Variants in ITPR1 observed in about 807,000 individuals in gnomAD.
ITPR1 encodes the protein inositol 1,4,5-trisphosphate-gated calcium channel ITPR1.
ITPR1 carries 96 observed loss-of-function variants against 318.4 expected under a neutral mutation model. That is an observed-to-expected ratio of 0.30 (90% CI 0.26 to 0.36). ITPR1 has a LOEUF of 0.36. ITPR1 is among the 10% of genes least tolerant of loss of function. The pLI is 1.00. For missense variants in ITPR1, 2,440 were observed against 3,460.2 expected, an observed-to-expected ratio of 0.71 and a Z score of 7.40; for synonymous variants, 1,312 against 1,289.9, an observed-to-expected ratio of 1.02 and a Z score of -0.37.
chr3:4,663,569 C>T (rs2093884119), intron 16 of ITPR1, among the ~76,000 whole-genome samples: 1 of 152,150 alleles, frequency 6.6e-6, no homozygotes, highest in African/African-American at 2.4e-5. Context: ...TCCTCTTGTC[C>T]TCACACACTT....
chr3:4,768,427 T>C (rs1332985347), intron 45 of ITPR1, 84 bp from the exon 46 acceptor site: 2 of 1,433,496 alleles, frequency 1.4e-6, no homozygotes, highest in Middle Eastern at 1.8e-4. Flanking sequence ...TAAAGGAATG[T>C]AGGTTTCTGA....
In ITPR1 at chr3:4,634,835, T is replaced by C. The variant is rs2093131536; in HGVS notation, c.280-4549T>C. On this transcript the variant is annotated intron_variant, in intron 5 of 61. Coordinates refer to ENST00000649015, the MANE Select transcript of ITPR1 (RefSeq NM_001378452.1). Reference sequence around the variant, plus strand: ...CTCACTGCAACCTCCACCTCCTGGGTTCAAGTGATTCTCCTGCCTCAGCTT... The same window carrying C: ...CTCACTGCAACCTCCACCTCCTGGGCTCAAGTGATTCTCCTGCCTCAGCTT... Among the ~76,000 whole-genome samples the C allele has an allele frequency of 2.0e-5, 3 of 152,120 alleles. No homozygotes were observed. The South Asian group carries it at 6.2e-4, about 31-fold the overall frequency.
intron 52 of ITPR1, among the ~76,000 whole-genome samples, chr3:4,788,717 G>A (rs574617845): frequency 2.0e-5 from 3 of 152,314 alleles, no homozygotes; most frequent in Admixed American, 6.5e-5. Flanking sequence ...TTCCCCAGGG[G>A]GCTTCTGTGT....
At chr3:4,681,737 T>G (rs963726438) in intron 26 of ITPR1, among the ~76,000 whole-genome samples, 7 of 151,348 alleles carry the variant, frequency 4.6e-5, no homozygotes, top group South Asian at 4.2e-4. Flanking sequence ...AGTGAGGAAA[T>G]GCAATCAAAA....
intron 4 of ITPR1, among the ~76,000 whole-genome samples, chr3:4,522,132 G>C (rs1343043484): frequency 1.3e-5 from 2 of 151,982 alleles, no homozygotes; most frequent in African/African-American, 4.8e-5. Context: ...TAGATGCTTG[G>C]GGCTCCATTG....
chr3:4,650,880 A>G (rs1368983726), intron 10 of ITPR1, among the ~76,000 whole-genome samples: 1 of 152,094 alleles, frequency 6.6e-6, no homozygotes, highest in East Asian at 1.9e-4. Context: ...TTTACTGAAC[A>G]TTGTAATACA....
At chr3:4,695,011 A>G (rs2094535812) in intron 33 of ITPR1, among the ~76,000 whole-genome samples, 1 of 152,240 alleles carries the variant, frequency 6.6e-6, no homozygotes, top group Non-Finnish European at 1.5e-5. Context: ...TAGGTATACT[A>G]TTCTGTACCT....
At chr3:4,744,786 G>A (rs2043957140) in intron 44 of ITPR1, among the ~76,000 whole-genome samples, 1 of 152,188 alleles carries the variant, frequency 6.6e-6, no homozygotes, top group African/African-American at 2.4e-5. Context: ...CACCAGATGA[G>A]CAATATCCTA....
At chr3:4,785,220 G>A (rs1000081029) in intron 51 of ITPR1, among the ~76,000 whole-genome samples, 4 of 152,196 alleles carry the variant, frequency 2.6e-5, no homozygotes, top group Non-Finnish European at 5.9e-5. Flanking sequence ...CACTTTTCCA[G>A]CCACCAGTGG....
chr3:4,842,808 C>CA (rs2051450265), intron 61 of ITPR1, among the ~76,000 whole-genome samples: 1 of 152,032 alleles, frequency 6.6e-6, no homozygotes, highest in Non-Finnish European at 1.5e-5. Flanking sequence ...TATTATCTGA[C>CA]AAAAATGCTA....
At chr3:4,691,736 A>T (rs1425341485) in intron 32 of ITPR1, among the ~76,000 whole-genome samples, 3 of 152,228 alleles carry the variant, frequency 2.0e-5, no homozygotes, top group Admixed American at 2.0e-4. Context: ...ATTTTGCCTG[A>T]TGCTTTTTGA....
chr3:4,590,174 C>CTTTTTT (rs10713337), intron 4 of ITPR1, among the ~76,000 whole-genome samples: 36 of 87,450 alleles, frequency 4.1e-4, no homozygotes, highest in African/African-American at 7.3e-4. Flanking sequence ...CTTCGTCTTG[C>CTTTTTT]TTTTTTTTTT....
intron 61 of ITPR1, among the ~76,000 whole-genome samples, chr3:4,841,879 T>A (rs1397475867): frequency 6.6e-6 from 1 of 152,224 alleles, no homozygotes; most frequent in Non-Finnish European, 1.5e-5. Context: ...AAGGGATGGT[T>A]TGGTTTCATT....
intron 60 of ITPR1, among the ~76,000 whole-genome samples, chr3:4,820,445 G>A (rs956958057): frequency 4.6e-5 from 7 of 152,066 alleles, no homozygotes; most frequent in African/African-American, 1.7e-4. Context: ...ACACTTTTGG[G>A]TTTCTGTCTC....
rs187279793 is a variant in ITPR1, at chr3:4,707,909, C to T, written c.4842+1558C>T. Reference sequence around the variant, plus strand: ...TGCTAGGCTCTGGGGATACAGTGGTCAGCAAAACCAGAAATGATGATCTTT... The same window carrying T: ...TGCTAGGCTCTGGGGATACAGTGGTTAGCAAAACCAGAAATGATGATCTTT... On this transcript the variant is annotated intron_variant, in intron 37 of 61. Transcript: ENST00000649015. Among the ~76,000 whole-genome samples, 6 of 152,236 alleles carry T rather than the reference C, an allele frequency of 3.9e-5. No individual in the cohort carries two copies. In the East Asian group the frequency reaches 1.2e-3, roughly 29 times the overall value.
At chr3:4,811,225 C>G in intron 55 of ITPR1, 40 bp from the exon 56 acceptor site, 1 of 1,424,976 alleles carries the variant, frequency 7.0e-7, no homozygotes, top group South Asian at 1.5e-5. Flanking sequence ...GTACATCTAA[C>G]ATCAAGGCTT....
chr3:4,740,240 A>G (rs1254660315), intron 44 of ITPR1, among the ~76,000 whole-genome samples: 62 of 152,220 alleles, frequency 4.1e-4, no homozygotes, highest in Non-Finnish European at 2.9e-5. Context: ...CAGGCCCCCA[A>G]GCTGGATGCT....
At chr3:4,653,773 C>T (rs2093646672) in intron 11 of ITPR1, 69 bp from the exon 12 acceptor site, 1 of 1,171,906 alleles carries the variant, frequency 8.5e-7, no homozygotes, top group African/African-American at 1.5e-5. Flanking sequence ...TTGAAGTCTC[C>T]TGCAAGTGGG....
chr3:4,771,062 C>G (rs1318386194), intron 46 of ITPR1, among the ~76,000 whole-genome samples: 2 of 152,178 alleles, frequency 1.3e-5, no homozygotes, highest in African/African-American at 4.8e-5. Flanking sequence ...TTCCCCTATG[C>G]AGGTGTCACT....
Sources: gnomAD v4.1 joint callset for allele counts (sites outside exome capture counted in the v4.1 genomes callset) on GRCh38, gnomAD v4.1.1 for gene constraint, MANE v1.5 for transcripts, NCBI Gene and HGNC (gene_info 2026-07-23, HGNC 2026-07-21) for gene names.